CXCL13: variants seen among roughly 807,000 people sequenced by gnomAD.
CXCL13 encodes C-X-C motif chemokine 13.
In CXCL13, 7 loss-of-function variants were observed where a neutral mutation model predicts 12.2. The ratio of observed to expected loss-of-function variants is 0.57; its 90% CI spans 0.33 to 1.07. The LOEUF (loss-of-function observed/expected upper bound fraction) is 1.07. CXCL13 is among the 50% of genes least tolerant of loss of function. CXCL13 has a pLI of 0.04. For synonymous variants in CXCL13, 47 were observed against 42.4 expected, an observed-to-expected ratio of 1.11 and a Z score of -0.42; for missense variants, 113 against 127.4, an observed-to-expected ratio of 0.89 and a Z score of 0.55.
chr4:77,582,609 G>A (rs1006464192), intron 1 of CXCL13, among the ~76,000 whole-genome samples: 7 of 152,290 alleles, frequency 4.6e-5, no homozygotes, highest in South Asian at 2.1e-4. Context: ...GGTGAAAGAT[G>A]AGTCTAGATA....
At chr4:77,531,374 G>T (rs550902660) in intron 1 of CXCL13, among the ~76,000 whole-genome samples, 4 of 145,530 alleles carry the variant, frequency 2.7e-5, no homozygotes, top group South Asian at 2.2e-4. Context: ...TGCGGTGTTT[G>T]GTGGGTTCTA....
At chr4:77,606,059 A>C in intron 1 of CXCL13, 130 bp downstream of exon 1, 1 of 477,934 alleles carries the variant, frequency 2.1e-6, no homozygotes, top group Non-Finnish European at 3.8e-6. Flanking sequence ...TTCCTTCTAG[A>C]TTTCTCAAAG....
intron 2 of CXCL13, among the ~76,000 whole-genome samples, chr4:77,608,755 A>G (rs1013586568): frequency 2.0e-5 from 3 of 152,228 alleles, no homozygotes; most frequent in Admixed American, 6.5e-5. Flanking sequence ...GTCTTTAACA[A>G]TAATGTCTAA....
intron 1 of CXCL13, among the ~76,000 whole-genome samples, chr4:77,589,527 C>T (rs1726557200): frequency 6.9e-6 from 1 of 145,420 alleles, no homozygotes; most frequent in Admixed American, 6.9e-5. Flanking sequence ...ATACATTAAA[C>T]TTTATTGTAG....
Position 77,610,673 on chromosome 4 carries a change from G to A in CXCL13, c.257G>A (p.Arg86Lys). 1.9e-6 allele frequency: 3 copies of A among 1,612,920 alleles called. No homozygotes were observed. Among genetic ancestry groups the A allele is most frequent in the Non-Finnish European group, 2.5e-6 (3 of 1,178,862 alleles). The change falls in exon 3 of 4, where the codon AGA becomes AAA. Residue 86 changes from arginine to lysine, a missense_variant. Coordinates refer to ENST00000682537, the MANE Select transcript of CXCL13 (RefSeq NM_001371558.1). ...CVDPQAEWIQ[R>K]MMEVLRKRSS... Reference sequence around the variant, plus strand: ...GACCCTCAAGCTGAATGGATACAAAGAATGATGGAAGTATTGAGAAAGTAA... The same window carrying A: ...GACCCTCAAGCTGAATGGATACAAAAAATGATGGAAGTATTGAGAAAGTAA...
At chr4:77,606,346 A>G (rs964926684) in intron 1 of CXCL13, among the ~76,000 whole-genome samples, 4 of 152,198 alleles carry the variant, frequency 2.6e-5, no homozygotes, top group South Asian at 2.1e-4. Context: ...TGTAACTCCA[A>G]ATGGTTAGAT....
At chr4:77,544,516 CTG>C (rs1028263802) in intron 1 of CXCL13, among the ~76,000 whole-genome samples, 10 of 152,028 alleles carry the variant, frequency 6.6e-5, no homozygotes, top group African/African-American at 2.2e-4. Context: ...AGCATTTTTT[CTG>C]TGTCTGTAGG....
chr4:77,580,113 G>A (rs1363949164), intron 1 of CXCL13, among the ~76,000 whole-genome samples: 1 of 151,934 alleles, frequency 6.6e-6, no homozygotes, highest in Non-Finnish European at 1.5e-5. Context: ...AAGTGGGAAG[G>A]GGATGAATGG....
intron 1 of CXCL13, among the ~76,000 whole-genome samples, chr4:77,555,814 G>C (rs1725643504): frequency 6.6e-6 from 1 of 152,136 alleles, no homozygotes; most frequent in African/African-American, 2.4e-5. Flanking sequence ...AATTGGGTAA[G>C]TCATTTGACA....
chr4:77,519,177 C>T (rs897202461), intron 1 of CXCL13, among the ~76,000 whole-genome samples: 12 of 152,132 alleles, frequency 7.9e-5, no homozygotes, highest in African/African-American at 2.9e-4. Context: ...GAGTACCTGG[C>T]CATGTGAGGT....
chr4:77,569,106 G>A (rs1293281766), intron 1 of CXCL13, among the ~76,000 whole-genome samples: 2 of 152,142 alleles, frequency 1.3e-5, no homozygotes, highest in Non-Finnish European at 2.9e-5. Context: ...AGGTACTGAA[G>A]GAACATACCT....
chr4:77,534,840 C>A (rs970033825), intron 1 of CXCL13, among the ~76,000 whole-genome samples: 2 of 152,192 alleles, frequency 1.3e-5, no homozygotes, highest in African/African-American at 4.8e-5. Flanking sequence ...AATTCCATGA[C>A]CTTACTGAGC....
chr4:77,602,449 T>C, upstream of CXCL13, among the ~76,000 whole-genome samples: 1 of 152,222 alleles, frequency 6.6e-6, no homozygotes, highest in Admixed American at 6.5e-5. Context: ...GCAGCTTATG[T>C]TAGACCAGGC....
intron 1 of CXCL13, among the ~76,000 whole-genome samples, chr4:77,515,990 C>G (rs1177221050): frequency 6.6e-6 from 1 of 152,134 alleles, no homozygotes; most frequent in Non-Finnish European, 1.5e-5. Context: ...CCTTGAGTAC[C>G]TAATTTATTG....
Position 77,575,621 on chromosome 4 carries a change from T to G in CXCL13, c.-42-30203T>G, listed in dbSNP as rs936264292. On this transcript the variant is annotated intron_variant, in intron 1 of 4. Transcript: ENST00000286758. ...TTCATCCATGTCCCTGCAAAGGACA[T>G]GAATGCATCTTTTTTTATGGCTGCA... Among the ~76,000 whole-genome samples, 11 of 152,008 alleles carry G rather than the reference T, an allele frequency of 7.2e-5. No homozygotes were observed. The East Asian group carries it at 2.1e-3, about 29-fold the overall frequency.
chr4:77,611,192 G>A lies in CXCL13; in HGVS notation c.*153G>A. 1 of 637,554 alleles carries A rather than the reference G, an allele frequency of 1.6e-6. No homozygotes were observed. Among genetic ancestry groups the A allele is most frequent in the East Asian group, 2.6e-5 (1 of 38,300 alleles). 39.5% of individuals were successfully genotyped at this position (637,554 alleles called of 1,614,324 possible). The stretch of plus-strand genomic sequence containing the variant: ...AAAATAACCTTGCAGAAGCTGATGG[G>A]GCAAACTCAAGCTTCTTCACTCACA... On this transcript the variant is annotated 3_prime_UTR_variant, in exon 4 of 4. Transcript: ENST00000682537.
Position 77,611,688 on chromosome 4 carries a change from T to C in CXCL13, c.*649T>C. The C allele has an allele frequency of 2.5e-6, 1 of 398,688 alleles. No individual in the cohort carries two copies. The highest frequency in any genetic ancestry group is 4.4e-6 in the Non-Finnish European group (1 of 225,966). 24.7% of individuals were successfully genotyped at this position (398,688 alleles called of 1,614,324 possible). A position where few individuals can be genotyped will look rare whatever the true frequency, so the allele number is the denominator to read the frequency against. ...ATGTACACATGTATCCTTTCACACA[T>C]TTGCCTTGACAAACTTCTTTCACTC... On this transcript the variant is annotated 3_prime_UTR_variant, in exon 4 of 4. Transcript: ENST00000682537.
At chr4:77,533,537 G>C (rs1419878895) in intron 1 of CXCL13, among the ~76,000 whole-genome samples, 3 of 152,192 alleles carry the variant, frequency 2.0e-5, no homozygotes, top group Admixed American at 2.0e-4. Context: ...TCCATGCTGG[G>C]AGAACCACTA....
At chr4:77,599,960 A>T (rs759364565) in intron 1 of CXCL13, among the ~76,000 whole-genome samples, 75 of 152,184 alleles carry the variant, frequency 4.9e-4, no homozygotes, top group Non-Finnish European at 9.0e-4. Flanking sequence ...TTAGAGACCA[A>T]ATAGATATGG....
Sources: gnomAD v4.1 joint callset for allele counts (sites outside exome capture counted in the v4.1 genomes callset) on GRCh38, gnomAD v4.1.1 for gene constraint, MANE v1.5 for transcripts, NCBI Gene and HGNC (gene_info 2026-07-23, HGNC 2026-07-21) for gene names.